The following ASCC3 variants were observed in gnomAD, a reference collection of about 807,000 sequenced individuals.
ASCC3 encodes the protein activating signal cointegrator 1 complex subunit 3, also known as ASC-1 complex subunit P200.
In ASCC3, 158 loss-of-function variants were observed where a neutral mutation model predicts 256.3. The ratio of observed to expected loss-of-function variants is 0.62; its 90% CI spans 0.54 to 0.70. ASCC3 has a LOEUF of 0.70. ASCC3 is among the 30% of genes least tolerant of loss of function. The probability of loss-of-function intolerance (pLI) is 0.00; values close to 1 mark genes in which losing one functional copy is unlikely to be tolerated. For missense variants in ASCC3, 2,259 were observed against 2,626.0 expected (o/e 0.86, Z 3.05); for synonymous variants, 948 against 883.4 (o/e 1.07, Z -1.30).
At chr6:100,835,287 CAATTT>C (rs1441418761) in intron 4 of ASCC3, among the ~76,000 whole-genome samples, 1 of 152,006 alleles carries the variant, frequency 6.6e-6, no homozygotes, top group Non-Finnish European at 1.5e-5. Context: ...TGATGTAATA[CAATTT>C]GTCTATTTTT....
At chr6:100,787,969 T>C (rs540697381) in intron 8 of ASCC3, among the ~76,000 whole-genome samples, 2 of 151,960 alleles carry the variant, frequency 1.3e-5, no homozygotes, top group Admixed American at 1.3e-4. Context: ...AGTTTTTTTT[T>C]TTGTTTATAG....
intron 1 of ASCC3, among the ~76,000 whole-genome samples, chr6:100,873,822 A>C (rs1773862033): frequency 6.6e-6 from 1 of 152,180 alleles, no homozygotes; most frequent in African/African-American, 2.4e-5. Flanking sequence ...TAGGCAAACA[A>C]ATGCTCAGAA....
chr6:100,647,050 A>G (rs1775415723), intron 21 of ASCC3, among the ~76,000 whole-genome samples, 176 bp downstream of exon 21: 1 of 152,144 alleles, frequency 6.6e-6, no homozygotes, highest in Non-Finnish European at 1.5e-5. Context: ...CTATAAACAG[A>G]CTCACTTGAA....
At chr6:100,594,153 G>A (rs749817921) in intron 34 of ASCC3, among the ~76,000 whole-genome samples, 2 of 152,022 alleles carry the variant, frequency 1.3e-5, no homozygotes, top group Non-Finnish European at 2.9e-5. Flanking sequence ...TAGCTGAAGG[G>A]AGCTGGAATA....
chr6:100,580,488 T>A (rs1465109994), intron 36 of ASCC3, among the ~76,000 whole-genome samples: 4 of 152,062 alleles, frequency 2.6e-5, no homozygotes, highest in African/African-American at 9.7e-5. Context: ...TTCTTTTTTT[T>A]TCCAATTTAT....
At chr6:100,781,550 ATT>A (rs11289263) in intron 8 of ASCC3, among the ~76,000 whole-genome samples, 2,706 of 130,824 alleles carry the variant, frequency 0.021, 74 homozygotes, top group African/African-American at 0.072. Context: ...CGCCTGGCTA[ATT>A]TTTTTTTTTT....
chr6:100,656,891 T>A lies in ASCC3; in HGVS notation c.2704-1073A>T, dbSNP rs1475255786. Among the ~76,000 whole-genome samples, 7 of 150,906 alleles carry A rather than the reference T, an allele frequency of 4.6e-5. No homozygotes were observed. The East Asian group carries it at 1.4e-3, about 29-fold the overall frequency. On this transcript the variant is annotated intron_variant, in intron 16 of 41. Transcript: ENST00000369162. ...TGTTTTTAACCTCCTAAAACTTTAA[T>A]TAAAGGAGAAGAGATGTTCCCTACC...
At chr6:100,679,557 T>C (rs1777185751) in intron 14 of ASCC3, 61 bp downstream of exon 14, 3 of 1,608,252 alleles carry the variant, frequency 1.9e-6, no homozygotes, top group Non-Finnish European at 2.6e-6. Flanking sequence ...CTTTCACATA[T>C]AAAATACCCG....
chr6:100,586,783 T>G (rs749328811), intron 36 of ASCC3, among the ~76,000 whole-genome samples: 3 of 152,164 alleles, frequency 2.0e-5, no homozygotes, highest in Non-Finnish European at 2.9e-5. Context: ...CTATACGTTA[T>G]TAATACCCCC....
At chr6:100,605,325 T>C (rs1772825748) in intron 33 of ASCC3, among the ~76,000 whole-genome samples, 1 of 152,158 alleles carries the variant, frequency 6.6e-6, no homozygotes, top group Non-Finnish European at 1.5e-5. Context: ...ATTTTCACCC[T>C]GGTCATCTGG....
intron 20 of ASCC3, among the ~76,000 whole-genome samples, chr6:100,647,727 T>C (rs1301091022): frequency 2.6e-5 from 4 of 152,052 alleles, no homozygotes; most frequent in South Asian, 4.2e-4. Context: ...AGGAATGAAG[T>C]AGGAAGAGAC....
chr6:100,590,172 T>C (rs1771930799), intron 34 of ASCC3, 113 bp from the exon 35 acceptor site: 1 of 773,686 alleles, frequency 1.3e-6, no homozygotes, highest in Non-Finnish European at 2.2e-6. Context: ...ATAAAACCTA[T>C]CCTCAGTAAC....
In ASCC3 at chr6:100,646,768, A is replaced by G; in HGVS notation, c.3480T>C (p.Gly1160=). ...CAATATTCACATGATGTAAAATGTG[A>G]CCTGCAAGAAAAATATCACATAGAA... is the stretch of plus-strand genomic sequence containing the variant. The part of the protein sequence containing the change: ...KLKDMRKDEI[G]HILHHVNIGL... The change falls in exon 22 of 42, where the codon GGT becomes GGC. Residue 1160 remains glycine, a splice_region_variant and synonymous_variant. Transcript: ENST00000369162. The G allele has an allele frequency of 6.2e-7, 1 of 1,613,710 alleles. No homozygotes were observed. The highest frequency in any genetic ancestry group is 8.5e-7 in the Non-Finnish European group (1 of 1,179,718).
At chr6:100,644,649 A>C (rs1374667826) in intron 22 of ASCC3, among the ~76,000 whole-genome samples, 1 of 152,140 alleles carries the variant, frequency 6.6e-6, no homozygotes, top group African/African-American at 2.4e-5. Flanking sequence ...CTTGTTCAGC[A>C]AGCATCTCTC....
intron 37 of ASCC3, among the ~76,000 whole-genome samples, chr6:100,535,570 AGCAGTT>A: frequency 6.7e-6 from 1 of 150,238 alleles, no homozygotes; most frequent in African/African-American, 2.5e-5. Context: ...CCCCGGTTCA[AGCAGTT>A]CTCGGCCTCA....
chr6:100,738,425 T>A (rs990179389), intron 10 of ASCC3, among the ~76,000 whole-genome samples: 5 of 152,224 alleles, frequency 3.3e-5, no homozygotes, highest in Admixed American at 2.6e-4. Context: ...AGTTTCAATT[T>A]TCTGCATATG....
At chr6:100,851,330 C>T (rs1371016340) in intron 3 of ASCC3, among the ~76,000 whole-genome samples, 1 of 152,060 alleles carries the variant, frequency 6.6e-6, no homozygotes, top group Non-Finnish European at 1.5e-5. Context: ...AGTGGAAGAA[C>T]AGCCTTATTA....
intron 13 of ASCC3, among the ~76,000 whole-genome samples, chr6:100,704,049 AT>A (rs35170339): frequency 0.44 from 65,316 of 148,166 alleles, 14,311 homozygotes; most frequent in South Asian, 0.6. Context: ...ACCAAGAAGT[AT>A]TTTTTTTTTT....
At chr6:100,600,211 A>ATG (rs1562153410) in intron 34 of ASCC3, among the ~76,000 whole-genome samples, 1 of 68,488 alleles carries the variant, frequency 1.5e-5, no homozygotes. Flanking sequence ...ACATGCACAC[A>ATG]CACACACACA....
Sources: allele counts gnomAD v4.1 joint callset (sites outside exome capture counted in the v4.1 genomes callset), GRCh38; gene constraint gnomAD v4.1.1; transcripts MANE v1.5; gene names NCBI Gene and HGNC (gene_info 2026-07-23, HGNC 2026-07-21).